The following FGF6 variants were observed in gnomAD, a reference collection of about 807,000 sequenced individuals.
The protein encoded by FGF6 is FGF-6.
A neutral mutation model predicts 18.4 loss-of-function variants in FGF6; 14 were observed. The ratio of observed to expected loss-of-function variants is 0.76; its 90% CI spans 0.50 to 1.19. The LOEUF is 1.19. Ranked by LOEUF, FGF6 falls within the 50% of genes most tolerant of loss-of-function variation. The probability of loss-of-function intolerance (pLI) is 0.00; values close to 1 mark genes in which losing one functional copy is unlikely to be tolerated. For missense variants in FGF6, 266 were observed against 271.6 expected, an observed-to-expected ratio of 0.98 and a Z score of 0.15; for synonymous variants, 125 against 116.7, an observed-to-expected ratio of 1.07 and a Z score of -0.46.
Position 4,445,211 on chromosome 12 carries a change from C to A in FGF6, c.346+14G>T. 6.3e-7 allele frequency: 1 copy of A among 1,595,752 alleles called. No individual in the cohort carries two copies. Among genetic ancestry groups the A allele is most frequent in the Non-Finnish European group, 8.5e-7 (1 of 1,171,298 alleles). ...AACCCCCAAGCGTCCCGACTGGCTG[C>A]AGCTGGCACTCACTGTAGGGGTTCT... On this transcript the variant is annotated intron_variant, in intron 1 of 2. Coordinates refer to ENST00000228837, the MANE Select transcript of FGF6 (RefSeq NM_020996.3). This position sits in a 1 kb window ranked among gnomAD's most constrained non-coding sequence, Gnocchi z 5.5.
intron 2 of FGF6, 115 bp from the exon 3 acceptor site, chr12:4,434,506 T>C: frequency 1.1e-6 from 1 of 934,590 alleles, no homozygotes; most frequent in Non-Finnish European, 1.7e-6. Context: ...CTTCTCTTTG[T>C]GAGACAACCA....
chr12:4,434,489 C>T, intron 2 of FGF6, 98 bp from the exon 3 acceptor site: 1 of 1,120,710 alleles, frequency 8.9e-7, no homozygotes. Context: ...CTGCCAGGTG[C>T]CCTTCCCTTC....
chr12:4,436,800 A>G (rs1591690456), intron 2 of FGF6, among the ~76,000 whole-genome samples: 2 of 152,156 alleles, frequency 1.3e-5, no homozygotes, highest in African/African-American at 4.8e-5. Context: ...TTTACAAAGC[A>G]CTTTCACTGA....
chr12:4,443,718 C>T (rs917789843), intron 2 of FGF6, among the ~76,000 whole-genome samples: 5 of 152,186 alleles, frequency 3.3e-5, no homozygotes, highest in Non-Finnish European at 5.9e-5. Context: ...CTGCTGCGCA[C>T]GAGGCTGGGG....
intron 2 of FGF6, among the ~76,000 whole-genome samples, chr12:4,436,136 G>A (rs1193165936): frequency 6.6e-6 from 1 of 152,138 alleles, no homozygotes; most frequent in Non-Finnish European, 1.5e-5. Context: ...AGCTGGACGA[G>A]AACCTCTTGC....
intron 2 of FGF6, among the ~76,000 whole-genome samples, chr12:4,436,339 G>A (rs1241137892): frequency 6.6e-6 from 1 of 152,130 alleles, no homozygotes; most frequent in East Asian, 1.9e-4. Flanking sequence ...GCGACAACAT[G>A]GCTGGTTTCA....
At chr12:4,441,990 G>A (rs1865696593) in intron 2 of FGF6, among the ~76,000 whole-genome samples, 1 of 151,972 alleles carries the variant, frequency 6.6e-6, no homozygotes, top group Non-Finnish European at 1.5e-5. Flanking sequence ...TGCAGGCCCG[G>A]CTGGCCCTGA....
intron 2 of FGF6, among the ~76,000 whole-genome samples, chr12:4,439,286 C>G (rs1865660553): frequency 6.6e-6 from 1 of 152,162 alleles, no homozygotes; most frequent in African/African-American, 2.4e-5. Context: ...CCAGCCTCCC[C>G]CCTGTTCTAA....
intron 2 of FGF6, among the ~76,000 whole-genome samples, chr12:4,443,679 G>A (rs1167308890): frequency 6.6e-6 from 1 of 152,174 alleles, no homozygotes; most frequent in Non-Finnish European, 1.5e-5. Flanking sequence ...CACTGATGAG[G>A]ATGAAAATAG....
rs749489333 is a variant in FGF6, at chr12:4,445,506, A to G, written c.65T>C (p.Leu22Pro). ...GATGCCTAGGAAGACGAGAGCCCAC[A>G]GCGTGCCCTGCAGACGTCCTGCTCC... ...SRGAGRLQGT[L>P]WALVFLGILV... is the part of the protein sequence containing the mutation. The change falls in exon 1 of 3, where the codon CTG becomes CCG. Residue 22 changes from leucine to proline, a missense_variant. Coordinates refer to ENST00000228837, the MANE Select transcript of FGF6 (RefSeq NM_020996.3). This position sits in a 1 kb window ranked among gnomAD's most constrained non-coding sequence, Gnocchi z 5.5. 1.2e-6 allele frequency: 2 copies of G among 1,612,880 alleles called. No homozygotes were observed. Among genetic ancestry groups the G allele is most frequent in the South Asian group, 2.2e-5 (2 of 91,052 alleles).
intron 2 of FGF6, among the ~76,000 whole-genome samples, chr12:4,437,767 T>C (rs1042012920): frequency 3.9e-5 from 6 of 152,120 alleles, no homozygotes; most frequent in African/African-American, 1.4e-4. Flanking sequence ...ATTATAATGA[T>C]AATAAAGTTT....
At position 4,445,493 on chromosome 12, in the gene FGF6, G is replaced by T. The variant is rs2137032923; in HGVS notation, c.78C>A (p.Val26=). The change falls in exon 1 of 3, where the codon GTC becomes GTA. Residue 26 remains valine, a synonymous_variant. Transcript: ENST00000228837. The surrounding 1 kb of genome is among the most constrained non-coding windows in gnomAD (Gnocchi z 5.5). ...CCATGCCCACTAGGATGCCTAGGAA[G>T]ACGAGAGCCCACAGCGTGCCCTGCA... The part of the protein sequence containing the change: ...GRLQGTLWAL[V]FLGILVGMVV... 6.2e-7 allele frequency: 1 copy of T among 1,613,202 alleles called. No individual in the cohort carries two copies.
In FGF6 at chr12:4,434,263, G is replaced by A. The variant is rs756639377; in HGVS notation, c.579C>T (p.Ser193=). ...TGACAGTCATGATCGGGGACACCTTGCTGCCCCGCTTTACCCGTCCGTATT... is the reference window on the plus strand; with the variant it reads ...TGACAGTCATGATCGGGGACACCTTACTGCCCCGCTTTACCCGTCCGTATT... ...LSKYGRVKRG[S]KVSPIMTVTH... Residue 193 remains serine (S), a synonymous_variant, in exon 3 of 3, where the codon AGC becomes AGT. Transcript: ENST00000228837. 1 of 1,614,100 alleles carries A rather than the reference G, an allele frequency of 6.2e-7. No individual in the cohort carries two copies. The highest frequency in any genetic ancestry group is 1.7e-5 in the Admixed American group (1 of 60,000).
At chr12:4,440,646 A>C (rs886820967) in intron 2 of FGF6, among the ~76,000 whole-genome samples, 3 of 152,192 alleles carry the variant, frequency 2.0e-5, no homozygotes, top group Non-Finnish European at 4.4e-5. Flanking sequence ...GAATGTTGGA[A>C]AGTGTTTTCA....
chr12:4,434,172 A>G lies in FGF6; in HGVS notation c.*43T>C. On this transcript the variant is annotated 3_prime_UTR_variant, in exon 3 of 3. Transcript: ENST00000228837. ...CTTCGCTGGTGCAAAATTTCAATCG[A>G]ACAGATGATGCTTTAAATCTGTGAG... 2 of 1,598,162 alleles carry G rather than the reference A, an allele frequency of 1.3e-6. No homozygotes were observed. Among genetic ancestry groups the G allele is most frequent in the Non-Finnish European group, 1.7e-6 (2 of 1,167,446 alleles).
chr12:4,439,072 G>A (rs1865657359), intron 2 of FGF6, among the ~76,000 whole-genome samples: 1 of 152,224 alleles, frequency 6.6e-6, no homozygotes, highest in African/African-American at 2.4e-5. Flanking sequence ...CAAGACAATG[G>A]TGGGAGTGAG....
chr12:4,434,332 G>C lies in FGF6; in HGVS notation c.510C>G (p.Ala170=). The C allele has an allele frequency of 1.2e-6, 2 of 1,614,152 alleles. No homozygotes were observed. Among genetic ancestry groups the C allele is most frequent in the Non-Finnish European group, 1.7e-6 (2 of 1,180,024 alleles). The change falls in exon 3 of 3, where the codon GCC becomes GCG. Residue 170 remains alanine (A), a synonymous_variant. Transcript: ENST00000228837. ...RETLLPNNYN[A]YESDLYQGTY... ...TCCCTTGGTACAAGTCTGACTCGTA[G>C]GCATTGTAATTGTTGGGCAGGAGGG...
At position 4,434,195 on chromosome 12, in the gene FGF6, G is replaced by A. The variant is rs2241286; in HGVS notation, c.*20C>T. 9.2e-3 allele frequency: 14,813 copies of A among 1,612,566 alleles called. 1,300 individuals carry two copies. In the East Asian group the frequency reaches 0.23, roughly 25 times the overall value. Reference sequence around the variant, plus strand: ...CGAACAGATGATGCTTTAAATCTGTGAGCCTTCTTTTGTGGGTCCTTAGAT... The same window carrying A: ...CGAACAGATGATGCTTTAAATCTGTAAGCCTTCTTTTGTGGGTCCTTAGAT... On this transcript the variant is annotated 3_prime_UTR_variant, in exon 3 of 3. Transcript: ENST00000228837.
intron 2 of FGF6, among the ~76,000 whole-genome samples, chr12:4,440,735 A>C (rs1865680983): frequency 6.6e-6 from 1 of 152,188 alleles, no homozygotes; most frequent in Non-Finnish European, 1.5e-5. Context: ...CAGGCCCTGC[A>C]TAAGGGCATG....
Sources: gnomAD v4.1 joint callset for allele counts (sites outside exome capture counted in the v4.1 genomes callset) on GRCh38, gnomAD v4.1.1 for gene constraint, Gnocchi (gnomAD v3.1) non-coding constraint, MANE v1.5 for transcripts, NCBI Gene and HGNC (gene_info 2026-07-23, HGNC 2026-07-21) for gene names.